The following SNX29 variants were observed in gnomAD, a reference collection of about 807,000 sequenced individuals.
SNX29 encodes the protein sorting nexin 29.
A neutral mutation model predicts 102.1 loss-of-function variants in SNX29; 78 were observed. That is an observed-to-expected ratio of 0.76 (90% CI 0.64 to 0.92). SNX29 has a LOEUF of 0.92. Among genes scored for constraint, SNX29 ranks in the 40% least tolerant of loss-of-function variants. The pLI, the probability that SNX29 is intolerant of heterozygous loss-of-function variation, is 0.00. For synonymous variants in SNX29, 580 were observed against 414.5 expected, an observed-to-expected ratio of 1.40 and a Z score of -4.85; for missense variants, 1,280 against 1,061.7, an observed-to-expected ratio of 1.21 and a Z score of -2.86.
chr16:12,273,099 C>G lies in SNX29; in HGVS notation c.1679-4834C>G, dbSNP rs142598646. Among the ~76,000 whole-genome samples the G allele has an allele frequency of 4.9e-3, 744 of 152,244 alleles. 6 individuals carry two copies. Among genetic ancestry groups the G allele is most frequent in the African/African-American group, 0.017 (711 of 41,550 alleles). On this transcript the variant is annotated intron_variant, in intron 14 of 20. Coordinates refer to ENST00000566228, the MANE Select transcript of SNX29 (RefSeq NM_032167.5). Reference sequence around the variant, plus strand: ...TCTGGTGTTAATACTTAATTCAACTCCAAGTTCATCCTCAGTGTGTTAATC... The same window carrying G: ...TCTGGTGTTAATACTTAATTCAACTGCAAGTTCATCCTCAGTGTGTTAATC...
intron 20 of SNX29, among the ~76,000 whole-genome samples, chr16:12,558,045 G>A (rs1393373623): frequency 1.3e-5 from 2 of 152,204 alleles, no homozygotes; most frequent in Non-Finnish European, 2.9e-5. Context: ...AATTGGCCGG[G>A]ATTACAACAG....
At chr16:12,491,284 C>T (rs2088532455) in intron 19 of SNX29, among the ~76,000 whole-genome samples, 1 of 152,150 alleles carries the variant, frequency 6.6e-6, no homozygotes, top group Non-Finnish European at 1.5e-5. Context: ...GGTTGTGTGC[C>T]CATGAATGAG....
chr16:12,208,146 G>C (rs1296848158), intron 14 of SNX29, among the ~76,000 whole-genome samples: 2 of 152,188 alleles, frequency 1.3e-5, no homozygotes, highest in African/African-American at 4.8e-5. Context: ...TCTGCCCGAA[G>C]TGACCACACC....
chr16:12,020,989 G>A (rs917216646), intron 3 of SNX29, among the ~76,000 whole-genome samples: 1 of 152,132 alleles, frequency 6.6e-6, no homozygotes, highest in African/African-American at 2.4e-5. Flanking sequence ...TCTGAGATAT[G>A]GCTCATACTG....
intron 15 of SNX29, among the ~76,000 whole-genome samples, chr16:12,355,167 A>G (rs749578038): frequency 3.3e-5 from 5 of 152,206 alleles, no homozygotes; most frequent in Non-Finnish European, 7.3e-5. Context: ...AGAAGGAAAC[A>G]TACCCCTTTG....
At chr16:12,527,220 A>G (rs1224829785) in intron 20 of SNX29, 3 of 533,784 alleles carry the variant, frequency 5.6e-6, no homozygotes, top group East Asian at 7.9e-5. Context: ...TGGGGTAATG[A>G]TGGATCAGCC....
chr16:12,313,007 A>C (rs555425640), intron 15 of SNX29, among the ~76,000 whole-genome samples: 1 of 139,470 alleles, frequency 7.2e-6, no homozygotes, highest in African/African-American at 2.6e-5. Flanking sequence ...CCCTGGGGAG[A>C]CTTTTTGTTT....
At chr16:12,162,376 C>T (rs1277990311) in intron 13 of SNX29, among the ~76,000 whole-genome samples, 1 of 152,170 alleles carries the variant, frequency 6.6e-6, no homozygotes, top group East Asian at 1.9e-4. Flanking sequence ...GCATCCACAC[C>T]CTCCTAAGTA....
At chr16:12,223,758 A>T (rs1411274171) in intron 14 of SNX29, among the ~76,000 whole-genome samples, 1 of 152,106 alleles carries the variant, frequency 6.6e-6, no homozygotes, top group African/African-American at 2.4e-5. Context: ...GCATGTGATG[A>T]GGCATTGAGA....
chr16:12,151,529 C>A (rs548437105), intron 13 of SNX29, among the ~76,000 whole-genome samples: 2 of 152,300 alleles, frequency 1.3e-5, no homozygotes, highest in African/African-American at 4.8e-5. Context: ...CTGACCGGGG[C>A]CTGCCTGCTT....
chr16:12,242,058 TG>T (rs2078120065), intron 14 of SNX29, among the ~76,000 whole-genome samples: 4 of 152,010 alleles, frequency 2.6e-5, no homozygotes, highest in Admixed American at 6.6e-5. Context: ...CTCCTGAAGC[TG>T]GGTTGGAGTC....
intron 20 of SNX29, chr16:12,526,725 C>G: frequency 4.3e-6 from 2 of 468,762 alleles, no homozygotes; most frequent in South Asian, 1.9e-5. Flanking sequence ...CTAAGATACT[C>G]CTGATGCTGA....
At chr16:11,995,397 A>C (rs1313964349) in intron 1 of SNX29, among the ~76,000 whole-genome samples, 1 of 151,990 alleles carries the variant, frequency 6.6e-6, no homozygotes, top group Non-Finnish European at 1.5e-5. Context: ...ATTCAGGGCT[A>C]AGTTGGCCAC....
At chr16:12,024,055 C>T (rs374904007) in intron 3 of SNX29, among the ~76,000 whole-genome samples, 4 of 151,824 alleles carry the variant, frequency 2.6e-5, no homozygotes, top group Middle Eastern at 3.2e-3. Context: ...CAGAGAGTGG[C>T]GAGCGCTGCA....
Position 12,434,371 on chromosome 16 carries a change from C to T in SNX29, c.2037+30842C>T, listed in dbSNP as rs1046613997. 8.5e-5 allele frequency among the ~76,000 whole-genome samples: 13 copies of T among 152,248 alleles called. No individual in the cohort carries two copies. In the East Asian group the frequency reaches 1.4e-3, roughly 16 times the overall value. On this transcript the variant is annotated intron_variant, in intron 18 of 20. Coordinates refer to ENST00000566228, the MANE Select transcript of SNX29 (RefSeq NM_032167.5). Reference sequence around the variant, plus strand: ...AGCTCTAAGATCAGAAACCTGGGCCCTGGGGACAGGCCTGTACCCTGAAAA... The same window carrying T: ...AGCTCTAAGATCAGAAACCTGGGCCTTGGGGACAGGCCTGTACCCTGAAAA...
At chr16:12,168,118 C>T (rs924805093) in intron 13 of SNX29, among the ~76,000 whole-genome samples, 3 of 152,196 alleles carry the variant, frequency 2.0e-5, no homozygotes, top group African/African-American at 4.8e-5. Flanking sequence ...TAATGATATA[C>T]TCACTTTAGT....
At chr16:12,212,507 C>G (rs1047675688) in intron 14 of SNX29, among the ~76,000 whole-genome samples, 7 of 149,774 alleles carry the variant, frequency 4.7e-5, no homozygotes, top group African/African-American at 1.7e-4. Flanking sequence ...GGAACCTGTC[C>G]AATCCCAGCC....
intron 3 of SNX29, among the ~76,000 whole-genome samples, chr16:12,012,960 A>G (rs1224103913): frequency 6.9e-6 from 1 of 144,160 alleles, no homozygotes; most frequent in Non-Finnish European, 1.5e-5. Flanking sequence ...ACAAAGTCAC[A>G]TTTGCATTTC....
At chr16:12,402,856 T>C (rs1402538774) in intron 17 of SNX29, among the ~76,000 whole-genome samples, 1 of 152,206 alleles carries the variant, frequency 6.6e-6, no homozygotes, top group Non-Finnish European at 1.5e-5. Context: ...AGCCTGGTTT[T>C]CTAACTTGTC....
Sources: gnomAD v4.1 joint callset for allele counts (sites outside exome capture counted in the v4.1 genomes callset) on GRCh38, gnomAD v4.1.1 for gene constraint, MANE v1.5 for transcripts, NCBI Gene and HGNC (gene_info 2026-07-23, HGNC 2026-07-21) for gene names.